Variants in ARL2BP observed in about 807,000 individuals in gnomAD.
ARL2BP encodes the protein ADP-ribosylation factor-like protein 2-binding protein.
A neutral mutation model predicts 24.2 loss-of-function variants in ARL2BP; 19 were observed. The observed-to-expected ratio is 0.79, with a 90% CI of 0.55 to 1.15. The LOEUF (loss-of-function observed/expected upper bound fraction) is 1.15, where lower values mean the gene tolerates loss of function less well. Among genes scored for constraint, ARL2BP ranks in the 50% most tolerant of loss-of-function variants. The probability of loss-of-function intolerance (pLI) is 0.00; values close to 1 mark genes in which losing one functional copy is unlikely to be tolerated. For missense variants in ARL2BP, 160 were observed against 190.4 expected, an observed-to-expected ratio of 0.84 and a Z score of 0.94; for synonymous variants, 56 against 70.5, an observed-to-expected ratio of 0.79 and a Z score of 1.03.
chr16:57,252,096 C>G, intron 5 of ARL2BP, 70 bp from the exon 6 acceptor site: 1 of 1,406,184 alleles, frequency 7.1e-7, no homozygotes, highest in East Asian at 2.3e-5. Flanking sequence ...GCTCTGCCTT[C>G]CCCATGTCAG....
rs2075414424 is a variant in ARL2BP, at chr16:57,253,347, G to A, written c.*1080G>A. ...TAGCAGGTAGAGCACAGCTTTACTG[G>A]CTGTTTGTATGCTTTGGTTTAGTGC... is the stretch of plus-strand genomic sequence containing the variant. On this transcript the variant is annotated 3_prime_UTR_variant, in exon 6 of 6. Coordinates refer to ENST00000219204, the MANE Select transcript of ARL2BP (RefSeq NM_012106.4). 1 of 152,312 alleles carries A rather than the reference G, an allele frequency of 6.6e-6. No homozygotes were observed. The highest frequency in any genetic ancestry group is 3.4e-3 in the Middle Eastern group (1 of 294). The allele number at this position is 152,312 out of a possible 1,614,324, so 9.4% of individuals were successfully genotyped here.
chr16:57,250,599 A>C, intron 5 of ARL2BP, 92 bp downstream of exon 5: 1 of 988,098 alleles, frequency 1.0e-6, no homozygotes. Flanking sequence ...CGCTTCCCCC[A>C]TCATTCTCCC....
At position 57,252,662 on chromosome 16, in the gene ARL2BP, T is replaced by C; in HGVS notation, c.*395T>C. 1 of 230,790 alleles carries C rather than the reference T, an allele frequency of 4.3e-6. No homozygotes were observed. The allele number at this position is 230,790 out of a possible 1,614,324, so 14.3% of individuals were successfully genotyped here. A position where few individuals can be genotyped will look rare whatever the true frequency, so the allele number is the denominator to read the frequency against. On this transcript the variant is annotated 3_prime_UTR_variant, in exon 6 of 6. Transcript: ENST00000219204. ...GGCTCTGCATGAATCTTTGTGCACT[T>C]GCACCTCTTTTTCACATGGGCCACA...
Position 57,245,315 on chromosome 16 carries a change from C to T in ARL2BP, c.-53C>T, listed in dbSNP as rs1431597294. On this transcript the variant is annotated 5_prime_UTR_variant, in exon 1 of 6. Coordinates refer to ENST00000219204, the MANE Select transcript of ARL2BP (RefSeq NM_012106.4). The stretch of plus-strand genomic sequence containing the variant: ...CTTAACCCCGCCGGGCGGCCGCGCC[C>T]TGCATGCGAGTTGGGCCGCGGGCGG... The T allele has an allele frequency of 3.0e-5, 47 of 1,584,732 alleles. No individual in the cohort carries two copies. Among genetic ancestry groups the T allele is most frequent in the Non-Finnish European group, 3.9e-5 (45 of 1,166,860 alleles).
At chr16:57,248,459 A>G (rs1395073611) in intron 2 of ARL2BP, 78 bp from the exon 3 acceptor site, 4 of 862,918 alleles carry the variant, frequency 4.6e-6, no homozygotes, top group East Asian at 2.6e-5. Flanking sequence ...TACTGCTGAC[A>G]TAGATCCTGC....
chr16:57,251,771 G>C (rs551190206), intron 5 of ARL2BP: 3 of 173,558 alleles, frequency 1.7e-5, no homozygotes, highest in South Asian at 1.2e-4. Context: ...ACCAGCCTAA[G>C]TGACATATCA....
intron 1 of ARL2BP, 106 bp downstream of exon 1, chr16:57,245,511 C>A: frequency 2.0e-6 from 3 of 1,473,976 alleles, no homozygotes; most frequent in African/African-American, 1.4e-5. Flanking sequence ...CGGGCCGGGC[C>A]GGGCCGGGCA....
intron 1 of ARL2BP, 68 bp from the exon 2 acceptor site, chr16:57,246,012 C>T: frequency 6.8e-7 from 1 of 1,480,262 alleles, no homozygotes; most frequent in South Asian, 1.2e-5. Flanking sequence ...TGTTTGAAAA[C>T]GTCCATACTA....
chr16:57,247,987 A>G (rs2075395289), intron 2 of ARL2BP, among the ~76,000 whole-genome samples: 1 of 151,836 alleles, frequency 6.6e-6, no homozygotes, highest in Admixed American at 6.5e-5. Context: ...CATTAAAATG[A>G]TAAAAAAAAA....
chr16:57,245,527 G>C (rs1388675482), intron 1 of ARL2BP, 122 bp downstream of exon 1: 6 of 1,354,692 alleles, frequency 4.4e-6, no homozygotes, highest in Non-Finnish European at 3.0e-6. Flanking sequence ...GGGCAGGGTG[G>C]GGGCCGCCAA....
chr16:57,245,521 A>T, intron 1 of ARL2BP, 116 bp downstream of exon 1: 1 of 1,330,544 alleles, frequency 7.5e-7, no homozygotes, highest in Non-Finnish European at 1.0e-6. Context: ...CGGGCCGGGC[A>T]GGGTGGGGGC....
chr16:57,246,933 A>T (rs893892517), intron 2 of ARL2BP, among the ~76,000 whole-genome samples: 7 of 152,206 alleles, frequency 4.6e-5, no homozygotes, highest in Admixed American at 2.0e-4. Flanking sequence ...TTGTGGATGT[A>T]TTTGGGCATC....
chr16:57,245,986 T>A, intron 1 of ARL2BP, 94 bp from the exon 2 acceptor site: 4 of 1,258,624 alleles, frequency 3.2e-6, no homozygotes, highest in Non-Finnish European at 4.6e-6. Flanking sequence ...TTTGCTACTC[T>A]TTTTTCTCTT....
At chr16:57,252,134 C>T in intron 5 of ARL2BP, 32 bp from the exon 6 acceptor site, 1 of 1,604,694 alleles carries the variant, frequency 6.2e-7, no homozygotes, top group South Asian at 1.1e-5. Context: ...AGGGCTCTTT[C>T]TAGTCCTTCC....
At chr16:57,248,209 A>T (rs1346940639) in intron 2 of ARL2BP, 1 of 154,682 alleles carries the variant, frequency 6.5e-6, no homozygotes, top group Non-Finnish European at 1.4e-5. Flanking sequence ...GCTACTCAGG[A>T]GGCTAAGGCA....
rs201489348 is a variant in ARL2BP, at chr16:57,248,643, C to T, written c.207C>T (p.Tyr69=). 255 of 1,521,402 alleles carry T rather than the reference C, an allele frequency of 1.7e-4. No homozygotes were observed. Among genetic ancestry groups the T allele is most frequent in the Non-Finnish European group, 2.2e-4 (243 of 1,119,972 alleles). 94.2% of individuals were successfully genotyped at this position (1,521,402 alleles called of 1,614,324 possible). ...TCTACACACCTATTTTTAATGAATA[C>T]GTAAGTAGATTTCTATGTCTCCTAC... ...KLIYTPIFNE[Y]ISLVEKYIEE... Residue 69 remains tyrosine, a splice_region_variant and synonymous_variant, in exon 3 of 6, where the codon TAC becomes TAT. Coordinates refer to ENST00000219204, the MANE Select transcript of ARL2BP (RefSeq NM_012106.4).
chr16:57,248,727 G>C, intron 3 of ARL2BP, 84 bp downstream of exon 3: 3 of 774,566 alleles, frequency 3.9e-6, no homozygotes, highest in Non-Finnish European at 6.1e-6. Flanking sequence ...GAAATTTGCT[G>C]CCTTTTAAAA....
Position 57,249,678 on chromosome 16 carries a change from A to T in ARL2BP, c.208-89A>T, listed in dbSNP as rs113271479. 76 of 1,047,286 alleles carry T rather than the reference A, an allele frequency of 7.3e-5. 4 individuals carry two copies. Among genetic ancestry groups the T allele is most frequent in the African/African-American group, 7.0e-4 (45 of 64,252 alleles). The allele number at this position is 1,047,286 out of a possible 1,614,324, so 64.9% of individuals were successfully genotyped here. ...AGATTGTGGCACACAGACCTCAGGAAATGTTTAGAAAGGGCTGGGCAGGCT... is the reference window on the plus strand; with the variant it reads ...AGATTGTGGCACACAGACCTCAGGATATGTTTAGAAAGGGCTGGGCAGGCT... On this transcript the variant is annotated intron_variant, in intron 3 of 5. Coordinates refer to ENST00000219204, the MANE Select transcript of ARL2BP (RefSeq NM_012106.4).
At position 57,246,120 on chromosome 16, in the gene ARL2BP, T is replaced by A; in HGVS notation, c.79T>A (p.Tyr27Asn). 11 of 1,614,154 alleles carry A rather than the reference T, an allele frequency of 6.8e-6. No individual in the cohort carries two copies. The highest frequency in any genetic ancestry group is 9.3e-6 in the Non-Finnish European group (11 of 1,180,008). The change falls in exon 2 of 6, where the codon TAT (tyrosine) becomes AAT (asparagine). Residue 27 changes from tyrosine (Y) to asparagine (N), a missense_variant. Physicochemically the swap from Tyr to Asn is moderately radical, Grantham distance 143. Coordinates refer to ENST00000219204, the MANE Select transcript of ARL2BP (RefSeq NM_012106.4). Reference protein sequence around the residue: ...SDAEFDAVVGYLEDIIMDDEF... With the variant: ...SDAEFDAVVGNLEDIIMDDEF... Reference sequence around the variant, plus strand: ...TGCAGAATTTGATGCTGTGGTTGGATATTTAGAGGACATTATCATGGGTAA... The same window carrying A: ...TGCAGAATTTGATGCTGTGGTTGGAAATTTAGAGGACATTATCATGGGTAA...
Sources: allele counts gnomAD v4.1 joint callset (sites outside exome capture counted in the v4.1 genomes callset), GRCh38; gene constraint gnomAD v4.1.1; transcripts MANE v1.5; gene names NCBI Gene and HGNC (gene_info 2026-07-23, HGNC 2026-07-21).